The following PRORP variants were observed in gnomAD, a reference collection of about 807,000 sequenced individuals.
The protein encoded by PRORP is protein only RNase P catalytic subunit, also known as mitochondrial ribonuclease P catalytic subunit.
In PRORP, 51 loss-of-function variants were observed where a neutral mutation model predicts 59.4. The observed-to-expected ratio is 0.86, with a 90% confidence interval of 0.69 to 1.08. The LOEUF is 1.08. Among genes scored for constraint, PRORP ranks in the 50% least tolerant of loss-of-function variants. The probability of loss-of-function intolerance (pLI) is 0.00; values close to 1 mark genes in which losing one functional copy is unlikely to be tolerated. For missense variants in PRORP, 646 were observed against 690.3 expected (o/e 0.94, Z 0.72); for synonymous variants, 231 against 245.6 (o/e 0.94, Z 0.55).
At chr14:35,158,425 G>A in intron 4 of PRORP, 1 of 316,126 alleles carries the variant, frequency 3.2e-6, no homozygotes, top group South Asian at 4.1e-5. Flanking sequence ...CAATGATATA[G>A]TATTACTACC....
At position 35,276,842 on chromosome 14, in the gene PRORP, C is replaced by T. The variant is rs897789958; in HGVS notation, c.*3276C>T. On this transcript the variant is annotated 3_prime_UTR_variant, in exon 8 of 8. Coordinates refer to ENST00000534898, the MANE Select transcript of PRORP (RefSeq NM_014672.4). ...CTGAATTTATACACTTTTCCTCCTG[C>T]TGTTCTCAGACCCAGTGGAAAGAAA... 8.5e-5 allele frequency: 13 copies of T among 152,242 alleles called. No homozygotes were observed. Among genetic ancestry groups the T allele is most frequent in the African/African-American group, 3.1e-4 (13 of 41,538 alleles). 9.4% of individuals were successfully genotyped at this position (152,242 alleles called of 1,614,324 possible). A position where few individuals can be genotyped will look rare whatever the true frequency, so the allele number is the denominator to read the frequency against.
Position 35,123,993 on chromosome 14 carries a change from T to G in PRORP, c.748T>G (p.Cys250Gly). Residue 250 changes from cysteine to glycine, a missense_variant, in exon 2 of 8, where the codon TGT (cysteine) becomes GGT (glycine). By Grantham distance (159) the Cys-to-Gly change is radical. Transcript: ENST00000534898. ...TCCTTCAAAAAAGAACTATAATGAC[T>G]GTATCCAGGGAGCTCTCCTTCATCA... ...ITPSKKNYNDCIQGALLHQDV... is the reference protein window; with the variant it reads ...ITPSKKNYNDGIQGALLHQDV... The G allele has an allele frequency of 6.2e-7, 1 of 1,614,096 alleles. No homozygotes were observed. Among genetic ancestry groups the G allele is most frequent in the Non-Finnish European group, 8.5e-7 (1 of 1,179,998 alleles).
At chr14:35,269,725 G>C (rs986209572) in intron 6 of PRORP, among the ~76,000 whole-genome samples, 7 of 151,962 alleles carry the variant, frequency 4.6e-5, no homozygotes, top group Admixed American at 2.0e-4. Context: ...AACTTTAAAT[G>C]GTCCTATTTA....
At chr14:35,125,600 A>G (rs551750451) in intron 2 of PRORP, among the ~76,000 whole-genome samples, 2 of 151,986 alleles carry the variant, frequency 1.3e-5, no homozygotes, top group South Asian at 2.1e-4. Context: ...CCCCTATATC[A>G]TGTTTACGGA....
At chr14:35,129,622 ACAC>A (rs1479152759) in intron 4 of PRORP, among the ~76,000 whole-genome samples, 1 of 151,432 alleles carries the variant, frequency 6.6e-6, no homozygotes, top group East Asian at 1.9e-4. Flanking sequence ...TTACAGGCGC[ACAC>A]CACCATGCCC....
At chr14:35,234,127 G>C (rs1368161330) in intron 5 of PRORP, among the ~76,000 whole-genome samples, 1 of 152,140 alleles carries the variant, frequency 6.6e-6, no homozygotes, top group Non-Finnish European at 1.5e-5. Context: ...ATGTGTGCTC[G>C]AAGAGAGTAA....
intron 4 of PRORP, among the ~76,000 whole-genome samples, chr14:35,135,092 C>T (rs1342371065): frequency 6.6e-6 from 1 of 152,210 alleles, no homozygotes; most frequent in Non-Finnish European, 1.5e-5. Flanking sequence ...CAGTGTCTCA[C>T]AATTGCTGCA....
intron 4 of PRORP, among the ~76,000 whole-genome samples, chr14:35,134,710 G>A (rs2047330882): frequency 6.6e-6 from 1 of 152,096 alleles, no homozygotes; most frequent in Non-Finnish European, 1.5e-5. Flanking sequence ...CAAGTAGAAG[G>A]AGTGGGTCTG....
At chr14:35,239,360 A>C (rs1488122900) in intron 5 of PRORP, among the ~76,000 whole-genome samples, 3 of 151,858 alleles carry the variant, frequency 2.0e-5, no homozygotes, top group African/African-American at 4.8e-5. Context: ...GAAAAAAAAA[A>C]AAAAAACAAA....
intron 4 of PRORP, among the ~76,000 whole-genome samples, chr14:35,139,212 C>T (rs928947925): frequency 6.9e-6 from 1 of 145,930 alleles, no homozygotes; most frequent in African/African-American, 2.4e-5. Flanking sequence ...CTGCCTTGGC[C>T]TCCTAAGGTT....
chr14:35,227,005 G>A (rs1327689532), intron 5 of PRORP, among the ~76,000 whole-genome samples: 1 of 151,706 alleles, frequency 6.6e-6, no homozygotes, highest in African/African-American at 2.4e-5. Flanking sequence ...CAAAGTTCTG[G>A]GATACAGGCG....
In PRORP at chr14:35,176,378, G is replaced by T. The variant is rs535135571; in HGVS notation, c.1168-4292G>T. On this transcript the variant is annotated intron_variant, in intron 4 of 7. Transcript: ENST00000534898. ...CTGATTCTTCCTATCCATGAGCATG[G>T]AATGTTCTTCCATTTGTTTGTGTCC... Among the ~76,000 whole-genome samples the T allele has an allele frequency of 2.6e-5, 4 of 152,302 alleles. No individual in the cohort carries two copies. In the East Asian group the frequency reaches 7.7e-4, roughly 29 times the overall value.
At chr14:35,225,465 G>C (rs2049909918) in intron 5 of PRORP, among the ~76,000 whole-genome samples, 1 of 151,888 alleles carries the variant, frequency 6.6e-6, no homozygotes, top group South Asian at 2.1e-4. Context: ...TCCTGCCTCA[G>C]CCTCCCGAGT....
rs902034937 is a variant in PRORP, at chr14:35,175,322, T to A, written c.1168-5348T>A. On this transcript the variant is annotated intron_variant, in intron 4 of 7. Coordinates refer to ENST00000534898, the MANE Select transcript of PRORP (RefSeq NM_014672.4). ...AGATCCCTGAGGAATCGCCACACTG[T>A]CTTCCACAATGGTTGAACTAGTTTA... 5.1e-3 allele frequency among the ~76,000 whole-genome samples: 782 copies of A among 152,212 alleles called. 8 individuals are homozygous for A. The highest frequency in any genetic ancestry group is 0.018 in the African/African-American group (743 of 41,560).
At chr14:35,152,682 C>G (rs2047797444) in intron 4 of PRORP, among the ~76,000 whole-genome samples, 1 of 148,940 alleles carries the variant, frequency 6.7e-6, no homozygotes, top group Admixed American at 6.7e-5. Flanking sequence ...GACGGGGCGG[C>G]TGCCGGGCGG....
intron 5 of PRORP, among the ~76,000 whole-genome samples, chr14:35,246,382 G>T (rs2050484966): frequency 6.6e-6 from 1 of 152,094 alleles, no homozygotes; most frequent in African/African-American, 2.4e-5. Flanking sequence ...TAACTGAGGG[G>T]GCAAGGGTAT....
intron 6 of PRORP, among the ~76,000 whole-genome samples, chr14:35,269,314 T>C (rs143134554): frequency 6.6e-6 from 1 of 152,182 alleles, no homozygotes; most frequent in African/African-American, 2.4e-5. Flanking sequence ...ATGGAAAAAT[T>C]AGATAAATTT....
intron 4 of PRORP, among the ~76,000 whole-genome samples, chr14:35,175,723 G>C (rs1461922978): frequency 6.6e-6 from 1 of 151,966 alleles, no homozygotes. Context: ...TTCTTTTGCT[G>C]TGCAGAAGCT....
upstream of PRORP, chr14:35,122,182 G>A: frequency 1.8e-6 from 1 of 562,676 alleles, no homozygotes; most frequent in Non-Finnish European, 3.2e-6. Flanking sequence ...CTATGAAAGA[G>A]ATGGAAAATG....
Sources: allele counts gnomAD v4.1 joint callset (sites outside exome capture counted in the v4.1 genomes callset), GRCh38; gene constraint gnomAD v4.1.1; transcripts MANE v1.5; gene names NCBI Gene and HGNC (gene_info 2026-07-23, HGNC 2026-07-21).